The following ARFGEF2 variants were observed in gnomAD, a reference collection of about 807,000 sequenced individuals.
ARFGEF2 encodes the protein brefeldin A-inhibited guanine nucleotide-exchange protein 2.
ARFGEF2 carries 74 observed loss-of-function variants against 219.9 expected under a neutral mutation model. The observed-to-expected ratio is 0.34, with a 90% CI of 0.28 to 0.41. The LOEUF is 0.41. Ranked by LOEUF, ARFGEF2 falls within the 10% of genes least tolerant of loss-of-function variation. The probability of loss-of-function intolerance (pLI) is 1.00; values close to 1 mark genes in which losing one functional copy is unlikely to be tolerated. For missense variants in ARFGEF2, 1,743 were observed against 2,218.3 expected (o/e 0.79, Z 4.30); for synonymous variants, 733 against 799.2 (o/e 0.92, Z 1.40).
chr20:48,927,196 C>T (rs896063803), intron 1 of ARFGEF2, among the ~76,000 whole-genome samples: 10 of 151,948 alleles, frequency 6.6e-5, no homozygotes, highest in Non-Finnish European at 1.5e-4. Context: ...GAAGTATATT[C>T]CTAAATCTTA....
chr20:48,991,324 G>A, intron 21 of ARFGEF2, 126 bp downstream of exon 21: 1 of 1,355,876 alleles, frequency 7.4e-7, no homozygotes, highest in Non-Finnish European at 1.0e-6. Flanking sequence ...CATGTATCTG[G>A]AAGTCACCCT....
chr20:49,004,804 T>C (rs553250076), intron 25 of ARFGEF2, among the ~76,000 whole-genome samples: 2 of 152,032 alleles, frequency 1.3e-5, no homozygotes, highest in African/African-American at 2.4e-5. Context: ...AAAATAATAA[T>C]AATAATAATA....
At chr20:48,996,581 C>CA (rs953463121) in intron 23 of ARFGEF2, among the ~76,000 whole-genome samples, 32 of 147,896 alleles carry the variant, frequency 2.2e-4, no homozygotes, top group South Asian at 4.3e-4. Flanking sequence ...TACTAAAATA[C>CA]AAAAAAAAAG....
chr20:48,967,993 A>T (rs186311742), intron 8 of ARFGEF2, among the ~76,000 whole-genome samples: 96 of 152,068 alleles, frequency 6.3e-4, no homozygotes, highest in African/African-American at 2.1e-3. Flanking sequence ...TGTTTTTAAA[A>T]TTTTTATTTT....
chr20:49,013,921 G>A lies in ARFGEF2; in HGVS notation c.4140G>A (p.Arg1380=), dbSNP rs756494701. Residue 1380 remains arginine (R), a synonymous_variant, in exon 30 of 39, where the codon CGG becomes CGA. Coordinates refer to ENST00000371917, the MANE Select transcript of ARFGEF2 (RefSeq NM_006420.3). ...AGGACCTGTTCAGAATCGTGTTTCG[G>A]ATTTTTGACAATATGAAACTCCCTG... ...WWQDLFRIVF[R]IFDNMKLPEQ... 4 of 1,614,022 alleles carry A rather than the reference G, an allele frequency of 2.5e-6. No homozygotes were observed. Among genetic ancestry groups the A allele is most frequent in the Non-Finnish European group, 3.4e-6 (4 of 1,179,970 alleles).
At chr20:48,994,630 C>T (rs772859542) in intron 22 of ARFGEF2, 32 bp downstream of exon 22, 7 of 1,611,768 alleles carry the variant, frequency 4.3e-6, no homozygotes, top group South Asian at 3.3e-5. Context: ...CTAACAGTCA[C>T]GGATTTGCAA....
At chr20:49,019,061 AG>A in intron 34 of ARFGEF2, 63 bp downstream of exon 34, 1 of 1,351,190 alleles carries the variant, frequency 7.4e-7, no homozygotes, top group Non-Finnish European at 1.0e-6. Flanking sequence ...TATATTCAGA[AG>A]GCACAAAAGG....
At chr20:48,990,783 G>A (rs755521594) in intron 20 of ARFGEF2, among the ~76,000 whole-genome samples, 19 of 152,190 alleles carry the variant, frequency 1.2e-4, no homozygotes, top group Admixed American at 6.5e-5. Flanking sequence ...TGGAACATGG[G>A]ACAGGTGAGT....
chr20:48,957,686 A>AT lies in ARFGEF2; in HGVS notation c.838+3897dup, dbSNP rs756327601. Among the ~76,000 whole-genome samples the AT allele has an allele frequency of 1.5e-3, 228 of 152,330 alleles. 1 individual carries two copies. The highest frequency in any genetic ancestry group is 2.4e-3 in the Non-Finnish European group (166 of 68,030). On this transcript the variant is annotated intron_variant, in intron 6 of 38. Transcript: ENST00000371917. ...TCCAGAAAAGCCTCTTCTGAGACCT[A>AT]TCCAAGGCTGTCATGTCAGCAGGGG...
Position 48,941,933 on chromosome 20 carries a change from A to G in ARFGEF2, c.222A>G (p.Leu74=), listed in dbSNP as rs772488831. The G allele has an allele frequency of 1.1e-5, 17 of 1,614,212 alleles. No individual in the cohort carries two copies. In the East Asian group the frequency reaches 1.6e-4, roughly 15 times the overall value. Residue 74 remains leucine, a synonymous_variant, in exon 3 of 39, where the codon CTA becomes CTG. Coordinates refer to ENST00000371917, the MANE Select transcript of ARFGEF2 (RefSeq NM_006420.3). The part of the protein sequence containing the change: ...EADKYFLPFE[L]ACQSKSPRVV... ...ACAAGTATTTTCTTCCATTCGAGCTAGCTTGCCAGTCCAAGTCCCCAAGGG... is the reference window on the plus strand; with the variant it reads ...ACAAGTATTTTCTTCCATTCGAGCTGGCTTGCCAGTCCAAGTCCCCAAGGG...
At chr20:49,013,989 G>T (rs766357326) in intron 30 of ARFGEF2, 29 bp downstream of exon 30, 2 of 1,613,322 alleles carry the variant, frequency 1.2e-6, no homozygotes, top group Non-Finnish European at 1.7e-6. Context: ...ACTGCCCTAG[G>T]TATGATGGAG....
chr20:49,028,392 C>G (rs2091615531), intron 36 of ARFGEF2, 138 bp from the exon 37 acceptor site: 1 of 952,558 alleles, frequency 1.0e-6, no homozygotes, highest in African/African-American at 1.6e-5. Flanking sequence ...TGCACTCCAG[C>G]TTAGGTGACA....
At chr20:48,931,002 A>G (rs982739706) in intron 1 of ARFGEF2, among the ~76,000 whole-genome samples, 2 of 152,188 alleles carry the variant, frequency 1.3e-5, no homozygotes, top group Admixed American at 1.3e-4. Flanking sequence ...GTAAGGTGAA[A>G]TGCTACAGAG....
At position 49,010,424 on chromosome 20, in the gene ARFGEF2, C is replaced by G. The variant is rs753114795; in HGVS notation, c.3757+20C>G. The G allele has an allele frequency of 9.3e-6, 15 of 1,612,190 alleles. No homozygotes were observed. Among genetic ancestry groups the G allele is most frequent in the Non-Finnish European group, 1.2e-5 (14 of 1,179,956 alleles). On this transcript the variant is annotated intron_variant, in intron 27 of 38. Coordinates refer to ENST00000371917, the MANE Select transcript of ARFGEF2 (RefSeq NM_006420.3). Reference sequence around the variant, plus strand: ...TTGTCAGTAAGTGGCTCTGTTCCCTCCCTACTAATGTCCCACCTGCAAGTC... The same window carrying G: ...TTGTCAGTAAGTGGCTCTGTTCCCTGCCTACTAATGTCCCACCTGCAAGTC...
In ARFGEF2 at chr20:48,978,345, G is replaced by T. The variant is rs189789291; in HGVS notation, c.1958+2146G>T. On this transcript the variant is annotated intron_variant, in intron 14 of 38. Coordinates refer to ENST00000371917, the MANE Select transcript of ARFGEF2 (RefSeq NM_006420.3). ...TTCCATTGGTCTGTCTCTCTGTTTT[G>T]GTACCAGTACCATGCTGTTTTGGTT... Among the ~76,000 whole-genome samples, 492 of 152,214 alleles carry T rather than the reference G, an allele frequency of 3.2e-3. 2 individuals are homozygous for T. Among genetic ancestry groups the T allele is most frequent in the African/African-American group, 0.012 (478 of 41,524 alleles).
At chr20:48,964,135 G>A (rs1197379412) in intron 7 of ARFGEF2, among the ~76,000 whole-genome samples, 3 of 152,170 alleles carry the variant, frequency 2.0e-5, no homozygotes, top group African/African-American at 4.8e-5. Context: ...TGGGCCAGGC[G>A]CGGTGGCTCA....
chr20:48,934,290 C>A (rs2090932961), intron 1 of ARFGEF2, among the ~76,000 whole-genome samples: 6 of 152,020 alleles, frequency 3.9e-5, no homozygotes, highest in Admixed American at 3.9e-4. Flanking sequence ...CTGTGAGGCA[C>A]CCTGCCACAC....
chr20:48,956,409 C>T (rs540143184), intron 6 of ARFGEF2, among the ~76,000 whole-genome samples: 3 of 152,326 alleles, frequency 2.0e-5, no homozygotes, highest in African/African-American at 7.2e-5. Context: ...CCTCCAATCC[C>T]AGCACTTTGG....
intron 14 of ARFGEF2, among the ~76,000 whole-genome samples, chr20:48,976,808 A>G (rs1234345570): frequency 3.9e-5 from 6 of 152,332 alleles, no homozygotes; most frequent in Middle Eastern, 3.4e-3. Flanking sequence ...ACTCCATCTC[A>G]ACAACAACAA....
Sources: allele counts gnomAD v4.1 joint callset (sites outside exome capture counted in the v4.1 genomes callset), GRCh38; gene constraint gnomAD v4.1.1; transcripts MANE v1.5; gene names NCBI Gene and HGNC (gene_info 2026-07-23, HGNC 2026-07-21).